Variants in PKIG observed in about 807,000 individuals in gnomAD.
The protein encoded by PKIG is protein kinase (cAMP-dependent, catalytic) inhibitor gamma.
Under a neutral mutation model 6.8 loss-of-function variants are expected in PKIG, and 1 was observed. That is an observed-to-expected ratio of 0.15 (90% CI 0.05 to 0.69). The LOEUF is 0.69. Ranked by LOEUF, PKIG falls within the 30% of genes least tolerant of loss-of-function variation. The pLI, the probability that PKIG is intolerant of heterozygous loss-of-function variation, is 0.82. For missense variants in PKIG, 77 were observed against 104.0 expected (o/e 0.74, Z 1.13); for synonymous variants, 39 against 43.0 (o/e 0.91, Z 0.36).
At chr20:44,593,364 AACACACACACACACACACAC>A (rs55947972) in intron 2 of PKIG, among the ~76,000 whole-genome samples, 51 of 132,544 alleles carry the variant, frequency 3.8e-4, no homozygotes, top group Non-Finnish European at 5.9e-4. Context: ...TATAATAATC[AACACACACACACACACACAC>A]ACACACACAC....
At chr20:44,543,978 C>T (rs1600838586) in intron 1 of PKIG, among the ~76,000 whole-genome samples, 1 of 151,436 alleles carries the variant, frequency 6.6e-6, no homozygotes, top group Admixed American at 6.6e-5. Context: ...GCAGGAGAAT[C>T]GCTTGAACCT....
At chr20:44,531,888 C>CCGCTGCGGGTTGCG (rs547927170), upstream of PKIG, 34 of 152,152 alleles carry the variant, frequency 2.2e-4, no homozygotes, top group South Asian at 1.3e-3. Context: ...GCAACGGGCT[C>CCGCTGCGGGTTGCG]CGCTGCGGGT....
At chr20:44,568,434 T>G (rs2064827878) in intron 1 of PKIG, among the ~76,000 whole-genome samples, 7 of 151,490 alleles carry the variant, frequency 4.6e-5, no homozygotes, top group Admixed American at 4.6e-4. Context: ...CATGAGCCCC[T>G]TCTACATATA....
chr20:44,618,567 A>G lies in PKIG; in HGVS notation c.*203A>G. On this transcript the variant is annotated 3_prime_UTR_variant, in exon 4 of 4. Transcript: ENST00000372886. ...CACCCACAGGCTTCACATTCCCACC[A>G]CCTTCGCACCGTGCCCAGGTACACT... The G allele has an allele frequency of 1.9e-6, 1 of 532,906 alleles. No homozygotes were observed. Among genetic ancestry groups the G allele is most frequent in the South Asian group, 2.0e-5 (1 of 49,660 alleles). The allele number at this position is 532,906 out of a possible 1,614,324, so 33.0% of individuals were successfully genotyped here.
intron 3 of PKIG, among the ~76,000 whole-genome samples, chr20:44,616,398 C>T (rs986332917): frequency 5.9e-5 from 9 of 152,122 alleles, no homozygotes; most frequent in Non-Finnish European, 1.3e-4. Flanking sequence ...GTTCATTGAC[C>T]GACTGAATGA....
intron 1 of PKIG, among the ~76,000 whole-genome samples, chr20:44,539,241 A>G (rs999384245): frequency 6.6e-6 from 1 of 151,666 alleles, no homozygotes; most frequent in African/African-American, 2.4e-5. Flanking sequence ...CGGCCTGCCC[A>G]ACTTTCATAA....
chr20:44,574,669 G>GT (rs1376220952), intron 1 of PKIG, among the ~76,000 whole-genome samples: 1 of 152,086 alleles, frequency 6.6e-6, no homozygotes, highest in East Asian at 1.9e-4. Flanking sequence ...CACCTCCCTG[G>GT]TTCAAGCAGT....
At chr20:44,617,906 A>G (rs2065282592) in intron 3 of PKIG, among the ~76,000 whole-genome samples, 1 of 151,418 alleles carries the variant, frequency 6.6e-6, no homozygotes, top group South Asian at 2.1e-4. Context: ...TTAAAAAAAA[A>G]ACAAACAAAC....
At chr20:44,576,158 AGT>A (rs3221821) in intron 1 of PKIG, among the ~76,000 whole-genome samples, 82,725 of 140,270 alleles carry the variant, frequency 0.59, 24,890 homozygotes, top group Non-Finnish European at 0.7. Context: ...GACTAAGTAG[AGT>A]GTGTGTGTGT....
chr20:44,558,579 TTTC>T (rs2064737292), intron 1 of PKIG, among the ~76,000 whole-genome samples: 1 of 132,704 alleles, frequency 7.5e-6, no homozygotes, highest in Non-Finnish European at 1.7e-5. Flanking sequence ...TTCTTTTTTC[TTTC>T]TTTCTTTCTT....
At chr20:44,536,318 T>A (rs544815520) in intron 1 of PKIG, among the ~76,000 whole-genome samples, 14 of 152,318 alleles carry the variant, frequency 9.2e-5, no homozygotes, top group African/African-American at 3.4e-4. Flanking sequence ...TGGGGAAACT[T>A]TTATTCTGTT....
At chr20:44,592,745 T>C (rs1339727127) in intron 2 of PKIG, among the ~76,000 whole-genome samples, 2 of 151,848 alleles carry the variant, frequency 1.3e-5, no homozygotes, top group Non-Finnish European at 2.9e-5. Context: ...GTGGAGAGAG[T>C]AAAAAGTGAG....
chr20:44,536,765 G>T (rs1002151966), intron 1 of PKIG, among the ~76,000 whole-genome samples: 1 of 152,232 alleles, frequency 6.6e-6, no homozygotes, highest in Non-Finnish European at 1.5e-5. Context: ...TTAAACTGAA[G>T]GCAGATAGTG....
At chr20:44,611,871 T>C (rs768920908) in intron 2 of PKIG, among the ~76,000 whole-genome samples, 1 of 152,000 alleles carries the variant, frequency 6.6e-6, no homozygotes, top group Admixed American at 6.6e-5. Flanking sequence ...AATCATGCAG[T>C]ATTTGTGTTT....
chr20:44,567,049 T>C (rs2064816190), intron 1 of PKIG, among the ~76,000 whole-genome samples: 1 of 152,154 alleles, frequency 6.6e-6, no homozygotes, highest in Non-Finnish European at 1.5e-5. Flanking sequence ...CAGGTGCTAC[T>C]AACAATAAGT....
chr20:44,596,630 G>A (rs142973691), intron 2 of PKIG, among the ~76,000 whole-genome samples: 1 of 152,282 alleles, frequency 6.6e-6, no homozygotes, highest in Non-Finnish European at 1.5e-5. Context: ...TTCTGGGTTC[G>A]GAACCCTACT....
intron 1 of PKIG, among the ~76,000 whole-genome samples, chr20:44,562,534 G>A (rs867938749): frequency 4.0e-5 from 6 of 150,176 alleles, no homozygotes; most frequent in Non-Finnish European, 7.4e-5. Context: ...TCTTGGAGGG[G>A]GAGGCTGCAG....
rs370076895 is a variant in PKIG, at chr20:44,538,505, G to A, written c.-241+6527G>A. 2.6e-5 allele frequency among the ~76,000 whole-genome samples: 4 copies of A among 152,078 alleles called. No homozygotes were observed. In the South Asian group the frequency reaches 6.2e-4, roughly 24 times the overall value. On this transcript the variant is annotated intron_variant, in intron 1 of 4. Coordinates refer to the PKIG transcript ENST00000372887. ...GATAATAAAAGACACCTAATATACT[G>A]AGCTTTAGCAATTGCCAACATATGG...
chr20:44,551,202 C>T (rs576658053), intron 1 of PKIG, among the ~76,000 whole-genome samples: 2 of 152,092 alleles, frequency 1.3e-5, no homozygotes, highest in Admixed American at 6.5e-5. Flanking sequence ...TACAGGCACA[C>T]GCCGCCACGC....
Sources: allele counts gnomAD v4.1 joint callset (sites outside exome capture counted in the v4.1 genomes callset), GRCh38; gene constraint gnomAD v4.1.1; transcripts MANE v1.5; gene names NCBI Gene and HGNC (gene_info 2026-07-23, HGNC 2026-07-21).